LDLRAD3: variants seen among roughly 807,000 people sequenced by gnomAD.
LDLRAD3 encodes low-density lipoprotein receptor class A domain-containing protein 3.
In LDLRAD3, 20 loss-of-function variants were observed where a neutral mutation model predicts 29.4. The observed-to-expected ratio is 0.68, with a 90% CI of 0.48 to 0.99. The LOEUF (loss-of-function observed/expected upper bound fraction) is 0.99, where lower values mean the gene tolerates loss of function less well. Ranked by LOEUF, LDLRAD3 falls within the 50% of genes least tolerant of loss-of-function variation. LDLRAD3 has a pLI of 0.00. For synonymous variants in LDLRAD3, 157 were observed against 192.7 expected, an observed-to-expected ratio of 0.81 and a Z score of 1.53; for missense variants, 420 against 454.3, an observed-to-expected ratio of 0.92 and a Z score of 0.69.
intron 1 of LDLRAD3, among the ~76,000 whole-genome samples, chr11:35,961,868 T>C (rs1851282051): frequency 6.6e-6 from 1 of 152,216 alleles, no homozygotes; most frequent in African/African-American, 2.4e-5. Context: ...ATCCATTCCC[T>C]CAAGCATTTA....
At chr11:36,088,758 T>G (rs888808816) in intron 3 of LDLRAD3, among the ~76,000 whole-genome samples, 40 of 152,314 alleles carry the variant, frequency 2.6e-4, no homozygotes, top group African/African-American at 9.6e-4. Context: ...CAAGGTCTCC[T>G]TAAAGACTCT....
At chr11:36,110,714 A>G (rs1394429460) in intron 4 of LDLRAD3, among the ~76,000 whole-genome samples, 2 of 152,222 alleles carry the variant, frequency 1.3e-5, no homozygotes, top group African/African-American at 4.8e-5. Flanking sequence ...ACAAACTATT[A>G]TAGATCAGCT....
intron 4 of LDLRAD3, among the ~76,000 whole-genome samples, chr11:36,221,539 A>AT (rs766510293): frequency 2.6e-5 from 4 of 152,280 alleles, no homozygotes; most frequent in Non-Finnish European, 5.9e-5. Context: ...GCAGTGGCAC[A>AT]TGCTGCAATC....
Position 36,044,031 on chromosome 11 carries a change from T to C in LDLRAD3, c.193+7782T>C, listed in dbSNP as rs543953129. ...ATGTCTCACCTAATTCCTGGCATGATCCTCACTTCACTAAATTTCTTTAGT... is the reference window on the plus strand; with the variant it reads ...ATGTCTCACCTAATTCCTGGCATGACCCTCACTTCACTAAATTTCTTTAGT... On this transcript the variant is annotated intron_variant, in intron 2 of 5. Transcript: ENST00000315571. 2.1e-4 allele frequency among the ~76,000 whole-genome samples: 32 copies of C among 152,308 alleles called. 1 individual carries two copies. The East Asian group carries it at 6.2e-3, about 29-fold the overall frequency.
At chr11:36,043,630 T>C (rs1012612468) in intron 2 of LDLRAD3, among the ~76,000 whole-genome samples, 2 of 152,132 alleles carry the variant, frequency 1.3e-5, no homozygotes, top group Non-Finnish European at 2.9e-5. Context: ...AATATGAAGA[T>C]AGGAGGGAAG....
chr11:35,979,067 C>T (rs1448263405), intron 1 of LDLRAD3, among the ~76,000 whole-genome samples: 9 of 152,130 alleles, frequency 5.9e-5, no homozygotes, highest in Non-Finnish European at 8.8e-5. Flanking sequence ...TGCTCCACTC[C>T]GGATCTGAGG....
At chr11:36,044,861 ATCCGCTGTTCTCAGC>A (rs1207131112) in intron 2 of LDLRAD3, among the ~76,000 whole-genome samples, 3 of 152,244 alleles carry the variant, frequency 2.0e-5, no homozygotes, top group Non-Finnish European at 4.4e-5. Context: ...AGTGGCTGCC[ATCCGCTGTTCTCAGC>A]TCTGCTGGAG....
intron 4 of LDLRAD3, chr11:36,183,997 G>A (rs763454402): frequency 3.0e-5 from 7 of 235,484 alleles, no homozygotes; most frequent in East Asian, 1.8e-4. Flanking sequence ...ATGGAGTTTC[G>A]CTCTTGTTGC....
At chr11:36,029,889 G>C (rs1473425633) in intron 1 of LDLRAD3, among the ~76,000 whole-genome samples, 2 of 152,172 alleles carry the variant, frequency 1.3e-5, no homozygotes, top group African/African-American at 4.8e-5. Context: ...CCCGGTGACT[G>C]GCTCCATCCA....
At chr11:36,089,922 A>G (rs1590258344) in intron 3 of LDLRAD3, among the ~76,000 whole-genome samples, 1 of 152,082 alleles carries the variant, frequency 6.6e-6, no homozygotes, top group Non-Finnish European at 1.5e-5. Context: ...AATAATTATT[A>G]TAATAAACAT....
chr11:35,986,258 G>A (rs1241010980), intron 1 of LDLRAD3, among the ~76,000 whole-genome samples: 3 of 152,194 alleles, frequency 2.0e-5, no homozygotes, highest in East Asian at 1.9e-4. Flanking sequence ...GCAATGCCCC[G>A]GATTGGTTAA....
intron 4 of LDLRAD3, among the ~76,000 whole-genome samples, chr11:36,144,854 G>A (rs1407661984): frequency 8.6e-6 from 1 of 116,594 alleles, no homozygotes; most frequent in African/African-American, 3.2e-5. Flanking sequence ...GAGGGAGGTG[G>A]GGGGGTCAGC....
intron 1 of LDLRAD3, chr11:35,966,914 T>C (rs1278121839): frequency 6.5e-6 from 1 of 153,182 alleles, no homozygotes; most frequent in African/African-American, 2.4e-5. Flanking sequence ...CCAAATTCTA[T>C]TCCTTTCTAT....
chr11:36,110,537 G>C (rs1011675545), intron 4 of LDLRAD3, among the ~76,000 whole-genome samples: 1 of 152,188 alleles, frequency 6.6e-6, no homozygotes, highest in African/African-American at 2.4e-5. Flanking sequence ...TGTGCTGCTT[G>C]ATTGTAGAGG....
chr11:36,044,591 C>A (rs1852423372), intron 2 of LDLRAD3, among the ~76,000 whole-genome samples: 1 of 152,234 alleles, frequency 6.6e-6, no homozygotes. Context: ...GAAACACCTT[C>A]ATCTGCTAGG....
chr11:36,225,056 G>A (rs1472070524), intron 4 of LDLRAD3, among the ~76,000 whole-genome samples: 1 of 152,100 alleles, frequency 6.6e-6, no homozygotes, highest in Non-Finnish European at 1.5e-5. Flanking sequence ...CTACTCTCTG[G>A]GGATACAGCA....
At chr11:36,160,919 C>T (rs1428064682) in intron 4 of LDLRAD3, among the ~76,000 whole-genome samples, 2 of 152,094 alleles carry the variant, frequency 1.3e-5, no homozygotes, top group African/African-American at 2.4e-5. Flanking sequence ...CTCACCCTCC[C>T]GAGTAGTTGG....
At chr11:35,961,413 A>G (rs897697191) in intron 1 of LDLRAD3, among the ~76,000 whole-genome samples, 14 of 152,200 alleles carry the variant, frequency 9.2e-5, no homozygotes, top group Admixed American at 6.5e-5. Context: ...CCAGTTACAG[A>G]GCTGCTCTGC....
chr11:36,007,610 A>G (rs968486985), intron 1 of LDLRAD3, among the ~76,000 whole-genome samples: 4 of 152,216 alleles, frequency 2.6e-5, no homozygotes, highest in African/African-American at 9.6e-5. Flanking sequence ...AGTCCTCCTC[A>G]GCCAGCACTC....
Sources: gnomAD v4.1 joint callset for allele counts (sites outside exome capture counted in the v4.1 genomes callset) on GRCh38, gnomAD v4.1.1 for gene constraint, MANE v1.5 for transcripts, NCBI Gene and HGNC (gene_info 2026-07-23, HGNC 2026-07-21) for gene names.